ZBTB20: variants seen among roughly 807,000 people sequenced by gnomAD.
ZBTB20 encodes zinc finger and BTB domain-containing protein 20.
ZBTB20 carries 9 observed loss-of-function variants against 56.9 expected under a neutral mutation model. The ratio of observed to expected loss-of-function variants is 0.16; its 90% CI spans 0.10 to 0.28. ZBTB20 has a LOEUF of 0.28. Ranked by LOEUF, ZBTB20 falls within the 10% of genes least tolerant of loss-of-function variation. ZBTB20 has a pLI of 1.00. For synonymous variants in ZBTB20, 417 were observed against 420.7 expected, an observed-to-expected ratio of 0.99 and a Z score of 0.11; for missense variants, 655 against 1,003.0, an observed-to-expected ratio of 0.65 and a Z score of 4.69.
At chr3:115,080,246 G>A (rs1285456776) in intron 1 of ZBTB20, among the ~76,000 whole-genome samples, 3 of 152,192 alleles carry the variant, frequency 2.0e-5, no homozygotes, top group South Asian at 4.2e-4. Context: ...GAACTCAACC[G>A]TGCTGGCACT....
intron 2 of ZBTB20, among the ~76,000 whole-genome samples, chr3:115,059,793 A>C (rs2081951598): frequency 6.6e-6 from 1 of 152,086 alleles, no homozygotes; most frequent in Admixed American, 6.6e-5. Context: ...CCAAGCATAA[A>C]ATTTTTTCTA....
chr3:114,764,765 A>G (rs1412729707), intron 5 of ZBTB20, among the ~76,000 whole-genome samples: 1 of 152,184 alleles, frequency 6.6e-6, no homozygotes, highest in Non-Finnish European at 1.5e-5. Context: ...ATATATTGGT[A>G]CCTTAGTATC....
At chr3:114,410,853 T>C (rs2087874506) in intron 7 of ZBTB20, among the ~76,000 whole-genome samples, 1 of 152,004 alleles carries the variant, frequency 6.6e-6, no homozygotes, top group South Asian at 2.1e-4. Context: ...GAGCCGCCCA[T>C]TTTCTGGAGG....
intron 1 of ZBTB20, among the ~76,000 whole-genome samples, chr3:115,138,817 G>A (rs1226794451): frequency 6.6e-6 from 1 of 152,008 alleles, no homozygotes; most frequent in African/African-American, 2.4e-5. Flanking sequence ...TAGTATTCCT[G>A]TTTAATACAA....
At chr3:114,617,783 T>A (rs2058038616) in intron 6 of ZBTB20, among the ~76,000 whole-genome samples, 1 of 152,192 alleles carries the variant, frequency 6.6e-6, no homozygotes. Context: ...TTGCACTTGA[T>A]GGTTCCACTG....
intron 6 of ZBTB20, among the ~76,000 whole-genome samples, chr3:114,516,904 T>C (rs151191178): frequency 1.3e-5 from 2 of 152,278 alleles, no homozygotes; most frequent in Admixed American, 6.5e-5. Flanking sequence ...TCTATAACTG[T>C]GAGACAAAAA....
intron 8 of ZBTB20, chr3:114,387,788 T>C (rs1371215149): frequency 6.6e-6 from 1 of 152,234 alleles, no homozygotes; most frequent in African/African-American, 2.4e-5. Context: ...AAGTTCCTTG[T>C]GTGGGTGTGG....
chr3:114,588,872 A>T (rs756011211), intron 6 of ZBTB20, among the ~76,000 whole-genome samples: 13 of 152,306 alleles, frequency 8.5e-5, no homozygotes, highest in East Asian at 7.7e-4. Flanking sequence ...TAAAGAAAAG[A>T]AGTTTATATG....
intron 2 of ZBTB20, among the ~76,000 whole-genome samples, chr3:114,992,644 T>C (rs1037438099): frequency 1.3e-5 from 2 of 151,694 alleles, no homozygotes; most frequent in African/African-American, 4.8e-5. Flanking sequence ...CTGAAGCCAA[T>C]GAGAGGAGTG....
chr3:114,404,209 A>T (rs1487742412), intron 7 of ZBTB20, among the ~76,000 whole-genome samples: 1 of 152,152 alleles, frequency 6.6e-6, no homozygotes, highest in East Asian at 1.9e-4. Flanking sequence ...CTCTTCTCAA[A>T]TCAGACTTAT....
intron 6 of ZBTB20, among the ~76,000 whole-genome samples, chr3:114,591,178 TTC>T (rs2107560016): frequency 1.3e-5 from 2 of 152,360 alleles, no homozygotes; most frequent in African/African-American, 4.8e-5. Flanking sequence ...GGTTTGATAA[TTC>T]TGTCTCTCTA....
At chr3:114,831,800 A>C (rs6438226) in intron 4 of ZBTB20, among the ~76,000 whole-genome samples, 125,033 of 151,524 alleles carry the variant, frequency 0.83, 54,064 homozygotes, top group East Asian at 0.98. Flanking sequence ...AACACTCCAG[A>C]TGAAAGATCT....
At chr3:114,488,820 G>T (rs2042419738) in intron 7 of ZBTB20, among the ~76,000 whole-genome samples, 1 of 152,196 alleles carries the variant, frequency 6.6e-6, no homozygotes, top group Non-Finnish European at 1.5e-5. Flanking sequence ...ATTCCCAACT[G>T]TCCATCAATA....
chr3:114,921,738 T>G (rs1028072956), intron 3 of ZBTB20, among the ~76,000 whole-genome samples: 1 of 139,566 alleles, frequency 7.2e-6, no homozygotes, highest in Admixed American at 7.1e-5. Context: ...GGGGGAGGGA[T>G]AGCATTAGGA....
intron 7 of ZBTB20, among the ~76,000 whole-genome samples, chr3:114,464,262 A>AT (rs869035000): frequency 6.6e-6 from 1 of 152,124 alleles, no homozygotes; most frequent in Non-Finnish European, 1.5e-5. Flanking sequence ...GTGATTCTTA[A>AT]TTTTTTTAAA....
intron 4 of ZBTB20, among the ~76,000 whole-genome samples, chr3:114,814,717 C>A (rs930544280): frequency 6.6e-6 from 1 of 152,172 alleles, no homozygotes; most frequent in Non-Finnish European, 1.5e-5. Context: ...TGGAACAACA[C>A]CAACCATTTT....
chr3:114,753,302 A>G (rs1249971332), intron 5 of ZBTB20, among the ~76,000 whole-genome samples: 7 of 144,346 alleles, frequency 4.8e-5, no homozygotes, highest in East Asian at 4.0e-4. Context: ...GTATACCTGT[A>G]TATATAATGT....
intron 7 of ZBTB20, among the ~76,000 whole-genome samples, chr3:114,480,495 G>A (rs1432527902): frequency 6.6e-6 from 1 of 152,156 alleles, no homozygotes; most frequent in African/African-American, 2.4e-5. Context: ...AAGCCCTAAC[G>A]TAAATATGAT....
rs1424361559 is a variant in ZBTB20, at chr3:114,316,110, G to A, written c.*22895C>T. ...CTGTAGTAGTTTTGTTCAGTTTGTT[G>A]TGGGTGACGAGTTTAAAAATGTTTT... is the stretch of plus-strand genomic sequence containing the variant. On this transcript the variant is annotated 3_prime_UTR_variant, in exon 12 of 12. Coordinates refer to ENST00000675478, the MANE Select transcript of ZBTB20 (RefSeq NM_001348800.3). 3.9e-6 allele frequency: 1 copy of A among 254,746 alleles called. No individual in the cohort carries two copies. The highest frequency in any genetic ancestry group is 6.0e-5 in the Admixed American group (1 of 16,532). The allele number at this position is 254,746 out of a possible 1,614,324, so 15.8% of individuals were successfully genotyped here.
Sources: allele counts gnomAD v4.1 joint callset (sites outside exome capture counted in the v4.1 genomes callset), GRCh38; gene constraint gnomAD v4.1.1; transcripts MANE v1.5; gene names NCBI Gene and HGNC (gene_info 2026-07-23, HGNC 2026-07-21).